ADD1: variants seen among roughly 807,000 people sequenced by gnomAD.
ADD1 encodes the protein adducin 1.
Under a neutral mutation model 80.5 loss-of-function variants are expected in ADD1, and 24 were observed. The observed-to-expected ratio is 0.30, with a 90% CI of 0.22 to 0.42. The LOEUF (loss-of-function observed/expected upper bound fraction) is 0.42. Ranked by LOEUF, ADD1 falls within the 10% of genes least tolerant of loss-of-function variation. The probability of loss-of-function intolerance (pLI) is 1.00; values close to 1 mark genes in which losing one functional copy is unlikely to be tolerated. For missense variants in ADD1, 948 were observed against 1,019.0 expected, an observed-to-expected ratio of 0.93 and a Z score of 0.95; for synonymous variants, 373 against 393.8, an observed-to-expected ratio of 0.95 and a Z score of 0.63.
chr4:2,920,458 G>T (rs1299169746), intron 14 of ADD1, among the ~76,000 whole-genome samples: 2 of 152,158 alleles, frequency 1.3e-5, no homozygotes, highest in African/African-American at 4.8e-5. Context: ...TATTGTGTGG[G>T]AGTCTGAGTC....
At chr4:2,922,867 C>G (rs1164752114) in intron 14 of ADD1, among the ~76,000 whole-genome samples, 1 of 152,260 alleles carries the variant, frequency 6.6e-6, no homozygotes, top group Admixed American at 6.5e-5. Context: ...GGCAGTCTGG[C>G]TACAGTGGCT....
rs370911124 is a variant in ADD1 at position 2,875,991 on chromosome 4, G to A, written c.76G>A (p.Asp26Asn). 15 of 1,613,882 alleles carry A rather than the reference G, an allele frequency of 9.3e-6. No homozygotes were observed. The highest frequency in any genetic ancestry group is 1.6e-4 in the Middle Eastern group (1 of 6,084). ...AGCCCCTCACAAGGAGAGGTACTTC[G>A]ACCGAGTAGATGAGAACAACCCAGA... is the stretch of plus-strand genomic sequence containing the variant. ...TTAPHKERYF[D>N]RVDENNPEYL... Residue 26 changes from aspartate to asparagine, a missense_variant, in exon 2 of 16, where the codon GAC (aspartate) becomes AAC (asparagine). Transcript: ENST00000683351.
At chr4:2,851,855 T>C (rs1429413790) in intron 1 of ADD1, among the ~76,000 whole-genome samples, 1 of 152,176 alleles carries the variant, frequency 6.6e-6, no homozygotes. Context: ...TCTTTTTTTT[T>C]TTTGAGATGG....
chr4:2,852,942 C>T (rs1042737021), intron 1 of ADD1, among the ~76,000 whole-genome samples: 2 of 151,924 alleles, frequency 1.3e-5, no homozygotes, highest in African/African-American at 2.4e-5. Context: ...CTTTTAAACT[C>T]AGATAAGCAG....
chr4:2,895,545 C>T lies in ADD1; in HGVS notation c.741+814C>T, dbSNP rs142060342. The stretch of plus-strand genomic sequence containing the variant: ...GCCTAGAAACCAACCTGTCCAGCTC[C>T]CCGCAGCCAACCAGCAGGACCCAGG... On this transcript the variant is annotated intron_variant, in intron 6 of 15. Coordinates refer to ENST00000683351, the MANE Select transcript of ADD1 (RefSeq NM_001354761.2). Among the ~76,000 whole-genome samples, 979 of 152,112 alleles carry T rather than the reference C, an allele frequency of 6.4e-3. 11 individuals are homozygous for T. Among genetic ancestry groups the T allele is most frequent in the African/African-American group, 0.022 (919 of 41,480 alleles).
intron 1 of ADD1, among the ~76,000 whole-genome samples, chr4:2,864,366 T>C (rs1380045467): frequency 2.6e-5 from 4 of 152,116 alleles, no homozygotes; most frequent in Admixed American, 6.5e-5. Context: ...TGAGCCAAGA[T>C]CGTGCGTGCC....
At chr4:2,910,083 G>A (rs1737774005) in intron 13 of ADD1, among the ~76,000 whole-genome samples, 2 of 146,224 alleles carry the variant, frequency 1.4e-5, no homozygotes, top group South Asian at 2.3e-4. Flanking sequence ...TCTAGTATGT[G>A]GAGTAGGTGG....
In ADD1 at chr4:2,904,993, G is replaced by A; in HGVS notation, c.1391G>A (p.Ser464Asn). The change falls in exon 10 of 16, where the codon AGC becomes AAC. Residue 464 changes from serine (S) to asparagine (N), a missense_variant. Physicochemically the swap from Ser to Asn is conservative, Grantham distance 46. Transcript: ENST00000683351. Reference sequence around the variant, plus strand: ...GCTTCCGAGGAAGGGCAGAATGGAAGCAGTCCCAAGTCGAAGACTAAGGTG... The same window carrying A: ...GCTTCCGAGGAAGGGCAGAATGGAAACAGTCCCAAGTCGAAGACTAAGGTG... ...DEASEEGQNG[S>N]SPKSKTKVWT... 1 of 1,614,214 alleles carries A rather than the reference G, an allele frequency of 6.2e-7. No individual in the cohort carries two copies. Among genetic ancestry groups the A allele is most frequent in the Non-Finnish European group, 8.5e-7 (1 of 1,180,042 alleles).
chr4:2,911,431 C>CAT lies in ADD1; in HGVS notation c.1791+2017_1791+2018dup, dbSNP rs1553848842. ...GCAGCATAACATGTAACCTGAAATA[C>CAT]ATATATATATATATATATTTTTTTT... On this transcript the variant is annotated intron_variant, in intron 13 of 15. Coordinates refer to ENST00000683351, the MANE Select transcript of ADD1 (RefSeq NM_001354761.2). Among the ~76,000 whole-genome samples, 1,304 of 140,850 alleles carry CAT rather than the reference C, an allele frequency of 9.3e-3. 25 individuals are homozygous for CAT. The highest frequency in any genetic ancestry group is 0.053 in the East Asian group (261 of 4,882). 92.4% of individuals were successfully genotyped at this position (140,850 alleles called of 152,430 possible).
At chr4:2,914,010 G>A (rs1738526478) in intron 13 of ADD1, among the ~76,000 whole-genome samples, 1 of 150,764 alleles carries the variant, frequency 6.6e-6, no homozygotes. Context: ...AGCGAGCCGA[G>A]ATTGCGCCAC....
At chr4:2,899,570 C>G in intron 9 of ADD1, 135 bp downstream of exon 9, 1 of 955,606 alleles carries the variant, frequency 1.0e-6, no homozygotes. Context: ...TGAAGAAGCA[C>G]TAGGGTTGTT....
chr4:2,894,244 A>T, intron 5 of ADD1, 151 bp downstream of exon 5: 1 of 688,984 alleles, frequency 1.5e-6, no homozygotes, highest in Non-Finnish European at 2.5e-6. Flanking sequence ...CCTTTGAGAG[A>T]AGTTACAAAT....
chr4:2,929,335 C>G lies in ADD1; in HGVS notation c.*812C>G, dbSNP rs1712611640. The G allele has an allele frequency of 6.6e-6, 1 of 152,236 alleles. No individual in the cohort carries two copies. The highest frequency in any genetic ancestry group is 2.1e-4 in the South Asian group (1 of 4,832). 9.4% of individuals were successfully genotyped at this position (152,236 alleles called of 1,614,324 possible). On this transcript the variant is annotated 3_prime_UTR_variant, in exon 16 of 16. Transcript: ENST00000683351. Reference sequence around the variant, plus strand: ...CTTTTTGCTTTCTTCTTTCCAGACCCCACAGTAGAGCACTTTTCACTTATT... The same window carrying G: ...CTTTTTGCTTTCTTCTTTCCAGACCGCACAGTAGAGCACTTTTCACTTATT...
At chr4:2,898,143 C>T in intron 6 of ADD1, 41 bp from the exon 7 acceptor site, 3 of 1,586,588 alleles carry the variant, frequency 1.9e-6, no homozygotes, top group Non-Finnish European at 2.6e-6. Flanking sequence ...CATTGTGTAA[C>T]CCCAGGTTTT....
chr4:2,884,588 A>T lies in ADD1; in HGVS notation c.432A>T (p.Leu144Phe). 1.2e-6 allele frequency: 2 copies of T among 1,613,766 alleles called. No individual in the cohort carries two copies. Among genetic ancestry groups the T allele is most frequent in the Non-Finnish European group, 1.7e-6 (2 of 1,179,772 alleles). The change falls in exon 4 of 16, where the codon TTA becomes TTT. Residue 144 changes from leucine (L) to phenylalanine (F), a missense_variant. Leu to Phe is a conservative substitution (Grantham distance 22, BLOSUM62 0). Transcript: ENST00000683351. Reference protein sequence around the residue: ...DSIAYDKGEKLLRCKLAAFYR... With the variant: ...DSIAYDKGEKFLRCKLAAFYR... The stretch of plus-strand genomic sequence containing the variant: ...TTGCGTATGACAAAGGAGAGAAGTT[A>T]TTACGGTGTAAATTGGCAGCGTTTT...
Position 2,875,900 on chromosome 4 carries a change from C to G in ADD1, c.-16C>G, listed in dbSNP as rs1188881479. The G allele has an allele frequency of 6.4e-7, 1 of 1,569,872 alleles. No individual in the cohort carries two copies. Among genetic ancestry groups the G allele is most frequent in the African/African-American group, 1.4e-5 (1 of 72,810 alleles). ...TCTTTTATTTTGATTCTGTAGGAAC[C>G]TAGAAAGATTGTACAATGAATGGTG... On this transcript the variant is annotated 5_prime_UTR_variant, in exon 2 of 16. Coordinates refer to ENST00000683351, the MANE Select transcript of ADD1 (RefSeq NM_001354761.2).
chr4:2,919,532 C>G (rs1344229498), intron 14 of ADD1, among the ~76,000 whole-genome samples: 2 of 152,134 alleles, frequency 1.3e-5, no homozygotes, highest in Non-Finnish European at 2.9e-5. Flanking sequence ...CTGGTCTATT[C>G]AGGGGTTTGA....
Position 2,928,424 on chromosome 4 carries a change from T to G in ADD1, c.2301T>G (p.Pro767=). Residue 767 remains proline (P), a synonymous_variant, in exon 16 of 16, where the codon CCT becomes CCG. Coordinates refer to ENST00000683351, the MANE Select transcript of ADD1 (RefSeq NM_001354761.2). ...SAVEEGAAAD[P]GSDGSPGKSP... ...TCGAGGAGGGGGCCGCCGCGGACCC[T>G]GGCAGCGATGGGTCTCCAGGCAAGT... is the stretch of plus-strand genomic sequence containing the variant. 1.9e-6 allele frequency: 3 copies of G among 1,613,442 alleles called. No homozygotes were observed. In the African/African-American group the frequency reaches 4.0e-5, roughly 22 times the overall value.
Position 2,884,672 on chromosome 4 carries a change from TA to T in ADD1, c.510+7del. The T allele has an allele frequency of 6.3e-7, 1 of 1,594,128 alleles. No homozygotes were observed. ...TTATCTACAATCATATCACAGTGAG[TA>T]TTAAATGGGCTAGTAACTGAACGAT... On this transcript the variant is annotated splice_region_variant and intron_variant, in intron 4 of 15. Coordinates refer to ENST00000683351, the MANE Select transcript of ADD1 (RefSeq NM_001354761.2).
Sources: gnomAD v4.1 joint callset for allele counts (sites outside exome capture counted in the v4.1 genomes callset) on GRCh38, gnomAD v4.1.1 for gene constraint, MANE v1.5 for transcripts, NCBI Gene and HGNC (gene_info 2026-07-23, HGNC 2026-07-21) for gene names.